Variants in CACUL1 observed in about 807,000 individuals in gnomAD.
CACUL1 encodes the protein CDK2 associated cullin domain 1, also known as CDK2-associated and cullin domain-containing protein 1.
In CACUL1, 13 loss-of-function variants were observed where a neutral mutation model predicts 45.2. That is an observed-to-expected ratio of 0.29 (90% CI 0.19 to 0.46). CACUL1 has a LOEUF of 0.46. Ranked by LOEUF, CACUL1 falls within the 20% of genes least tolerant of loss-of-function variation. The pLI is 1.00. For missense variants in CACUL1, 421 were observed against 471.4 expected (o/e 0.89, Z 0.99); for synonymous variants, 197 against 174.2 (o/e 1.13, Z -1.03).
chr10:118,701,042 C>T (rs372494998), intron 5 of CACUL1, among the ~76,000 whole-genome samples: 1 of 151,936 alleles, frequency 6.6e-6, no homozygotes, highest in Admixed American at 6.6e-5. Flanking sequence ...GAAAAAGGGG[C>T]GGCGGGGAGG....
At chr10:118,693,371 T>G (rs1433304351) in intron 6 of CACUL1, 1 of 158,918 alleles carries the variant, frequency 6.3e-6, no homozygotes, top group Admixed American at 6.2e-5. Context: ...AATGTCAAAA[T>G]ATGTTTTCAA....
intron 6 of CACUL1, chr10:118,693,630 G>T: frequency 2.4e-6 from 1 of 423,996 alleles, no homozygotes; most frequent in South Asian, 1.7e-5. Context: ...TGCCTACTTG[G>T]GAGGCAGAAT....
At chr10:118,686,339 A>T (rs1372038879) in intron 8 of CACUL1, among the ~76,000 whole-genome samples, 171 bp from the exon 9 acceptor site, 1 of 152,140 alleles carries the variant, frequency 6.6e-6, no homozygotes, top group Non-Finnish European at 1.5e-5. Context: ...GGGACTGAGA[A>T]CCTAAGGAAC....
chr10:118,723,753 G>A (rs2119627408), intron 3 of CACUL1, among the ~76,000 whole-genome samples: 1 of 152,226 alleles, frequency 6.6e-6, no homozygotes, highest in East Asian at 1.9e-4. Context: ...GCTTAATCGA[G>A]GCTCTAGCAA....
rs992830420 is a variant in CACUL1, at chr10:118,754,885, G to A, written c.-123C>T. 41 of 1,338,782 alleles carry A rather than the reference G, an allele frequency of 3.1e-5. No homozygotes were observed. Among genetic ancestry groups the A allele is most frequent in the Non-Finnish European group, 4.1e-5 (41 of 994,790 alleles). The allele number at this position is 1,338,782 out of a possible 1,614,324, so 82.9% of individuals were successfully genotyped here. A position where few individuals can be genotyped will look rare whatever the true frequency, so the allele number is the denominator to read the frequency against. ...GCGGCAGGAATGGGCGCAGCGGAGA[G>A]GGCTGCGGTGCGCAGGGTCTCTCGC... On this transcript the variant is annotated 5_prime_UTR_variant, in exon 1 of 9. Coordinates refer to ENST00000369151, the MANE Select transcript of CACUL1 (RefSeq NM_153810.5).
At chr10:118,739,179 G>C (rs1320458730) in intron 1 of CACUL1, among the ~76,000 whole-genome samples, 2 of 148,762 alleles carry the variant, frequency 1.3e-5, no homozygotes, top group Admixed American at 6.8e-5. Flanking sequence ...CTGGGTGACA[G>C]AGACTCCTCC....
At position 118,720,604 on chromosome 10, in the gene CACUL1, A is replaced by G. The variant is rs188697967; in HGVS notation, c.597+8691T>C. ...GATTTTACTCTCCTGCTCATTTTCC[A>G]AGTTCTGGATGATGTTTTACCTGGA... On this transcript the variant is annotated intron_variant, in intron 3 of 8. Coordinates refer to ENST00000369151, the MANE Select transcript of CACUL1 (RefSeq NM_153810.5). Among the ~76,000 whole-genome samples, 40 of 152,294 alleles carry G rather than the reference A, an allele frequency of 2.6e-4. 1 individual carries two copies. The highest frequency in any genetic ancestry group is 2.5e-3 in the Admixed American group (38 of 15,300).
intron 1 of CACUL1, among the ~76,000 whole-genome samples, chr10:118,731,369 A>G (rs918393295): frequency 6.6e-6 from 1 of 152,232 alleles, no homozygotes; most frequent in Non-Finnish European, 1.5e-5. Flanking sequence ...CCTTCCCAGT[A>G]TCTTTTTATC....
At chr10:118,748,161 G>A (rs1442920857) in intron 1 of CACUL1, among the ~76,000 whole-genome samples, 1 of 152,158 alleles carries the variant, frequency 6.6e-6, no homozygotes, top group Non-Finnish European at 1.5e-5. Context: ...TTGTTGTGGT[G>A]GTTACTGCTG....
intron 1 of CACUL1, among the ~76,000 whole-genome samples, chr10:118,734,155 C>G (rs990091261): frequency 6.6e-6 from 1 of 152,202 alleles, no homozygotes; most frequent in African/African-American, 2.4e-5. Flanking sequence ...CCTATTTAGA[C>G]AATACTTTTC....
intron 7 of CACUL1, among the ~76,000 whole-genome samples, chr10:118,687,806 A>G (rs971893681): frequency 2.0e-5 from 3 of 152,152 alleles, no homozygotes; most frequent in Admixed American, 1.3e-4. Flanking sequence ...GTCCACTCAT[A>G]GGACTTACTA....
At chr10:118,731,416 A>G (rs1485930333) in intron 1 of CACUL1, among the ~76,000 whole-genome samples, 1 of 152,204 alleles carries the variant, frequency 6.6e-6, no homozygotes, top group African/African-American at 2.4e-5. Context: ...ATCCAGGTTC[A>G]AGATTTTTTT....
At position 118,754,499 on chromosome 10, in the gene CACUL1, G is replaced by C. The variant is rs555748318; in HGVS notation, c.264C>G (p.Ile88Met). The C allele has an allele frequency of 3.7e-6, 6 of 1,613,334 alleles. No individual in the cohort carries two copies. The highest frequency in any genetic ancestry group is 2.2e-5 in the East Asian group (1 of 44,810). ...PQPPPEANGV[I>M]MMLKSCDAAA... The stretch of plus-strand genomic sequence containing the variant: ...CCGCGTCGCAGCTCTTCAACATCAT[G>C]ATCACCCCATTAGCCTCCGGCGGTG... The change falls in exon 1 of 9, where the codon ATC (isoleucine) becomes ATG (methionine). Residue 88 changes from isoleucine (I) to methionine (M), a missense_variant. Ile to Met is a conservative substitution (Grantham distance 10, BLOSUM62 1). This residue lies in a region of CACUL1 where 213 missense variants were observed against 173.1 expected (regional missense o/e 1.23). Coordinates refer to ENST00000369151, the MANE Select transcript of CACUL1 (RefSeq NM_153810.5).
At chr10:118,694,634 C>T (rs1206514794) in intron 6 of CACUL1, among the ~76,000 whole-genome samples, 1 of 152,172 alleles carries the variant, frequency 6.6e-6, no homozygotes, top group Non-Finnish European at 1.5e-5. Context: ...TAGAGAGACA[C>T]ATTAAGAATT....
intron 1 of CACUL1, among the ~76,000 whole-genome samples, chr10:118,736,802 C>A (rs1022270574): frequency 1.3e-5 from 2 of 152,110 alleles, no homozygotes; most frequent in African/African-American, 4.8e-5. Context: ...TACACGCATA[C>A]CATTTTTTTT....
Position 118,678,573 on chromosome 10 carries a change from T to A in CACUL1, c.*7555A>T, listed in dbSNP as rs991192616. On this transcript the variant is annotated 3_prime_UTR_variant, in exon 9 of 9. Transcript: ENST00000369151. ...AGAAAAAGTTGAGATTTAGATAATA[T>A]TGAGTGTTATCCCTTATATTCTCTA... 1 of 152,252 alleles carries A rather than the reference T, an allele frequency of 6.6e-6. No homozygotes were observed. Among genetic ancestry groups the A allele is most frequent in the Non-Finnish European group, 1.5e-5 (1 of 68,046 alleles). The allele number at this position is 152,252 out of a possible 1,614,324, so 9.4% of individuals were successfully genotyped here.
intron 1 of CACUL1, among the ~76,000 whole-genome samples, chr10:118,749,661 A>T (rs959917804): frequency 2.6e-5 from 4 of 152,210 alleles, no homozygotes; most frequent in African/African-American, 9.7e-5. Flanking sequence ...TTTATTAGGG[A>T]GATAGTACAT....
intron 1 of CACUL1, among the ~76,000 whole-genome samples, chr10:118,741,686 T>A (rs1845794489): frequency 6.6e-6 from 1 of 152,220 alleles, no homozygotes; most frequent in Non-Finnish European, 1.5e-5. Flanking sequence ...TTGTCTAGAT[T>A]ACAGAAATTG....
chr10:118,709,670 G>A (rs1053567877), intron 3 of CACUL1, among the ~76,000 whole-genome samples: 2 of 152,094 alleles, frequency 1.3e-5, no homozygotes, highest in Non-Finnish European at 2.9e-5. Flanking sequence ...CCACATGGAA[G>A]GATTCCTAAA....
Sources: gnomAD v4.1 joint callset for allele counts (sites outside exome capture counted in the v4.1 genomes callset) on GRCh38, gnomAD v4.1.1 for gene constraint, gnomAD v4.1.1 regional missense constraint, MANE v1.5 for transcripts, NCBI Gene and HGNC (gene_info 2026-07-23, HGNC 2026-07-21) for gene names.